The following NBPF14 variants were observed in gnomAD, a reference collection of about 807,000 sequenced individuals.
The protein encoded by NBPF14 is NBPF member 14, also known as NBPF family member NBPF14.
Under a neutral mutation model 91.2 loss-of-function variants are expected in NBPF14, and 104 were observed. That is an observed-to-expected ratio of 1.14 (90% CI 0.97 to 1.34). The LOEUF is 1.34. Among genes scored for constraint, NBPF14 ranks in the 40% most tolerant of loss-of-function variants. NBPF14 has a pLI of 0.00. For missense variants in NBPF14, 908 were observed against 783.0 expected (o/e 1.16, Z -1.91); for synonymous variants, 294 against 303.8 (o/e 0.97, Z 0.34).
rs1367908927 is a variant in NBPF14, at chr1:148,531,406, A to T, written c.*1599T>A. The T allele has an allele frequency of 3.6e-5, 3 of 83,174 alleles. No individual in the cohort carries two copies. In the Admixed American group the frequency reaches 4.6e-4, roughly 13 times the overall value. The allele number at this position is 83,174 out of a possible 1,614,324, so 5.2% of individuals were successfully genotyped here. A position where few individuals can be genotyped will look rare whatever the true frequency, so the allele number is the denominator to read the frequency against. ...AACATGGAAATGAAATGTTTTTATT[A>T]ATTCGCATCAGTACCCACCAAAACC... is the stretch of plus-strand genomic sequence containing the variant. On this transcript the variant is annotated 3_prime_UTR_variant, in exon 71 of 71. Transcript: ENST00000619423.
chr1:148,558,272 C>T, exon 39 of NBPF14: 2 of 120,178 alleles, frequency 1.7e-5, no homozygotes, highest in Non-Finnish European at 2.7e-5. Flanking sequence ...AAGAGCCAAG[C>T]CAAGGTACTG....
intron 68 of NBPF14, among the ~76,000 whole-genome samples, chr1:148,535,183 G>A (rs1304725736): frequency 6.7e-6 from 1 of 149,926 alleles, no homozygotes; most frequent in African/African-American, 2.5e-5. Flanking sequence ...AAAAGAGGGG[G>A]CTCAATAATT....
chr1:148,534,797 C>A (rs1453235100), exon 69 of NBPF14: 3 of 929,496 alleles, frequency 3.2e-6, no homozygotes, highest in Admixed American at 1.7e-5. Flanking sequence ...CGAATAACAT[C>A]TATCCAGTGA....
intron 47 of NBPF14, among the ~76,000 whole-genome samples, chr1:148,551,747 C>A (rs1656243478): frequency 5.1e-5 from 1 of 19,618 alleles, no homozygotes; most frequent in Non-Finnish European, 8.2e-5. Flanking sequence ...AGAATAGGAT[C>A]AGGGCACCAC....
exon 69 of NBPF14, chr1:148,534,851 C>G: frequency 2.0e-6 from 2 of 998,450 alleles, no homozygotes; most frequent in South Asian, 1.3e-5. Context: ...CAGCTCCCTG[C>G]TGAGCCTGGA....
At position 148,577,776 on chromosome 1, in the gene NBPF14, C is replaced by G. The variant is rs1309548389; in HGVS notation, c.1853+207G>C. 1.0e-4 allele frequency among the ~76,000 whole-genome samples: 14 copies of G among 139,750 alleles called. No individual in the cohort carries two copies. In the Admixed American group the frequency reaches 1.0e-3, roughly 10 times the overall value. The allele number at this position is 139,750 out of a possible 152,430, so 91.7% of individuals were successfully genotyped here. On this transcript the variant is annotated intron_variant, in intron 14 of 70. Coordinates refer to ENST00000619423, the Ensembl canonical transcript of NBPF14. ...AATACAGCTTTTGAGGTATGGTCAA[C>G]TTTCACTAGGTTAGTAAATGATAAG...
At position 148,560,261 on chromosome 1, in the gene NBPF14, T is replaced by G. The variant is rs1657582492; in HGVS notation, c.4557-296A>C. On this transcript the variant is annotated intron_variant, in intron 36 of 70. Transcript: ENST00000619423. Reference sequence around the variant, plus strand: ...TAAGGGAGTCAAAGGACACTCTGAGTTAGTGCCCTCATGACACACAGCAAA... The same window carrying G: ...TAAGGGAGTCAAAGGACACTCTGAGGTAGTGCCCTCATGACACACAGCAAA... Among the ~76,000 whole-genome samples the G allele has an allele frequency of 2.0e-5, 3 of 146,514 alleles. No homozygotes were observed. The East Asian group carries it at 6.2e-4, about 30-fold the overall frequency.
At chr1:148,577,433 A>T (rs1286574008) in intron 14 of NBPF14, 78 bp from the exon 15 acceptor site, 8 of 662,616 alleles carry the variant, frequency 1.2e-5, no homozygotes, top group South Asian at 5.2e-5. Context: ...TTCATGGCTA[A>T]CGTAAGGAAG....
intron 25 of NBPF14, among the ~76,000 whole-genome samples, chr1:148,568,923 A>T (rs1658782551): frequency 6.8e-6 from 1 of 147,962 alleles, no homozygotes; most frequent in Admixed American, 6.8e-5. Context: ...AGACGCTGAA[A>T]TTAGAGTGAA....
intron 40 of NBPF14, 126 bp from the exon 41 acceptor site, chr1:148,556,988 T>A (rs1656670996): frequency 1.4e-5 from 2 of 142,194 alleles, no homozygotes; most frequent in Non-Finnish European, 1.0e-5. Flanking sequence ...ATTAATGAGG[T>A]AACACATTAT....
intron 6 of NBPF14, among the ~76,000 whole-genome samples, chr1:148,590,196 C>CCCA (rs1340619220): frequency 6.3e-5 from 9 of 142,102 alleles, no homozygotes; most frequent in Non-Finnish European, 1.3e-4. Flanking sequence ...ACTACAGGCG[C>CCCA]CCACCACCAC....
chr1:148,561,801 AAACAC>A (rs1657808364), intron 34 of NBPF14, among the ~76,000 whole-genome samples: 2 of 95,724 alleles, frequency 2.1e-5, no homozygotes, highest in South Asian at 2.9e-4. Context: ...ACACACACAC[AAACAC>A]ACACACACAC....
chr1:148,559,926 G>C lies in NBPF14; in HGVS notation c.4596C>G (p.Val1532=), dbSNP rs1417259306. The C allele has an allele frequency of 1.6e-4, 216 of 1,358,450 alleles. 5 individuals carry two copies. The highest frequency in any genetic ancestry group is 9.3e-5 in the Non-Finnish European group (92 of 984,774). 84.1% of individuals were successfully genotyped at this position (1,358,450 alleles called of 1,614,324 possible). A position where few individuals can be genotyped will look rare whatever the true frequency, so the allele number is the denominator to read the frequency against. ...AACATCTATCCAGTGAGTCCTGCAA[G>C]ACTTCAGGCCCTTTCTCATGCAGCA... Residue 1532 remains valine, a synonymous_variant, in exon 37 of 71, where the codon GTC becomes GTG. Coordinates refer to ENST00000619423, the Ensembl canonical transcript of NBPF14.
exon 39 of NBPF14, chr1:148,558,302 G>C (rs2149498301): frequency 1.3e-5 from 1 of 76,536 alleles, no homozygotes; most frequent in East Asian, 3.2e-4. Context: ...TGAGTAAACA[G>C]CACTGCTGTA....
rs1490739474 is a variant in NBPF14 at position 148,535,303 on chromosome 1, C to T, written c.8441+150G>A. On this transcript the variant is annotated intron_variant, in intron 68 of 70. Coordinates refer to ENST00000619423, the Ensembl canonical transcript of NBPF14. Reference sequence around the variant, plus strand: ...GGGGAGGAAGAAATGGAAACCTAAACATCTACTGCAATGAAAACCAACAGC... The same window carrying T: ...GGGGAGGAAGAAATGGAAACCTAAATATCTACTGCAATGAAAACCAACAGC... 6.5e-5 allele frequency: 41 copies of T among 626,010 alleles called. 2 individuals carry two copies. The highest frequency in any genetic ancestry group is 2.5e-4 in the East Asian group (9 of 35,838). The allele number at this position is 626,010 out of a possible 1,614,324, so 38.8% of individuals were successfully genotyped here.
chr1:148,587,685 TCTGA>T (rs1452224333), intron 7 of NBPF14, among the ~76,000 whole-genome samples: 1 of 138,954 alleles, frequency 7.2e-6, no homozygotes, highest in African/African-American at 2.7e-5. Context: ...GTCCCTGAGG[TCTGA>T]CTCTGAATGC....
chr1:148,578,913 T>G (rs1299046164), intron 13 of NBPF14, among the ~76,000 whole-genome samples, 161 bp downstream of exon 13: 4 of 147,830 alleles, frequency 2.7e-5, no homozygotes, highest in Non-Finnish European at 6.0e-5. Flanking sequence ...ATGCCTGTGC[T>G]TCAGACTTGA....
chr1:148,542,076 G>C (rs1232217170), intron 59 of NBPF14, among the ~76,000 whole-genome samples: 56 of 94,484 alleles, frequency 5.9e-4, no homozygotes, highest in African/African-American at 9.5e-4. Flanking sequence ...AATATCATTT[G>C]TCCCAAGTTT....
chr1:148,550,301 CT>C (rs1656088141), intron 49 of NBPF14, 70 bp downstream of exon 49: 1 of 369,902 alleles, frequency 2.7e-6, no homozygotes, highest in Admixed American at 4.5e-5. Flanking sequence ...GTAAGGGCCA[CT>C]TGCAGTAGGA....
Sources: gnomAD v4.1 joint callset for allele counts (sites outside exome capture counted in the v4.1 genomes callset) on GRCh38, gnomAD v4.1.1 for gene constraint, MANE v1.5 for transcripts, NCBI Gene and HGNC (gene_info 2026-07-23, HGNC 2026-07-21) for gene names.